Variants in PRDM10 observed in about 807,000 individuals in gnomAD.
PRDM10 encodes PR domain zinc finger protein 10.
Under a neutral mutation model 133.1 loss-of-function variants are expected in PRDM10, and 65 were observed. The observed-to-expected ratio is 0.49, with a 90% CI of 0.40 to 0.60. The LOEUF (loss-of-function observed/expected upper bound fraction) is 0.60. PRDM10 is among the 20% of genes least tolerant of loss of function. The pLI, the probability that PRDM10 is intolerant of heterozygous loss-of-function variation, is 0.00. For synonymous variants in PRDM10, 582 were observed against 580.4 expected (o/e 1.00, Z -0.04); for missense variants, 1,137 against 1,507.1 (o/e 0.75, Z 4.07).
Position 129,957,365 on chromosome 11 carries a change from C to T in PRDM10, c.234+381G>A, listed in dbSNP as rs1028864333. Among the ~76,000 whole-genome samples, 10 of 152,120 alleles carry T rather than the reference C, an allele frequency of 6.6e-5. No homozygotes were observed. The South Asian group carries it at 1.2e-3, about 19-fold the overall frequency. ...ACAGAGTTTTGCTCTGTCACCCAGG[C>T]TGGAGTGCAGTGGCGCGATCTCGGC... On this transcript the variant is annotated intron_variant, in intron 3 of 20. Coordinates refer to ENST00000360871, the MANE Select transcript of PRDM10 (RefSeq NM_199437.2).
intron 1 of PRDM10, among the ~76,000 whole-genome samples, chr11:129,978,505 C>A (rs990216358): frequency 6.6e-6 from 1 of 152,198 alleles, no homozygotes; most frequent in African/African-American, 2.4e-5. Flanking sequence ...CAGAAGAGAA[C>A]TGAACTAAGG....
At position 129,900,817 on chromosome 11, in the gene PRDM10, C is replaced by A. The variant is rs930761397; in HGVS notation, c.*1496G>T. 6.6e-6 allele frequency: 1 copy of A among 152,324 alleles called. No individual in the cohort carries two copies. Among genetic ancestry groups the A allele is most frequent in the African/African-American group, 2.4e-5 (1 of 41,422 alleles). The allele number at this position is 152,324 out of a possible 1,614,324, so 9.4% of individuals were successfully genotyped here. Reference sequence around the variant, plus strand: ...CTCTTAGTACTCAAACATTGGGGAACAACTACATGAACGCAGTCTCAGAAA... The same window carrying A: ...CTCTTAGTACTCAAACATTGGGGAAAAACTACATGAACGCAGTCTCAGAAA... On this transcript the variant is annotated 3_prime_UTR_variant, in exon 21 of 21. Coordinates refer to ENST00000360871, the MANE Select transcript of PRDM10 (RefSeq NM_199437.2).
chr11:129,973,852 T>C (rs1937627387), intron 1 of PRDM10, among the ~76,000 whole-genome samples: 1 of 152,234 alleles, frequency 6.6e-6, no homozygotes, highest in South Asian at 2.1e-4. Context: ...CCAGAAGACT[T>C]GCATCCAAAA....
chr11:129,911,553 A>G (rs760946154), intron 18 of PRDM10, among the ~76,000 whole-genome samples: 38 of 152,104 alleles, frequency 2.5e-4, no homozygotes, highest in Admixed American at 1.8e-3. Flanking sequence ...ATAAATGTAC[A>G]TTTTCCATTG....
chr11:129,988,897 G>T (rs1207000017), intron 1 of PRDM10, among the ~76,000 whole-genome samples: 1 of 152,166 alleles, frequency 6.6e-6, no homozygotes, highest in African/African-American at 2.4e-5. Context: ...CCAAAGTGCT[G>T]GGATTACAGG....
In PRDM10 at chr11:129,899,930, A is replaced by C. The variant is rs779835332; in HGVS notation, c.*2383T>G. ...ATATCTTAAGAGTTTTTTTGAAAGG[A>C]TACTTCCAAGTCAGAAAACAAGAAG... On this transcript the variant is annotated 3_prime_UTR_variant, in exon 21 of 21. Transcript: ENST00000360871. The C allele has an allele frequency of 1.6e-4, 25 of 152,652 alleles. No homozygotes were observed. The highest frequency in any genetic ancestry group is 6.5e-5 in the Admixed American group (1 of 15,286). The allele number at this position is 152,652 out of a possible 1,614,324, so 9.5% of individuals were successfully genotyped here.
intron 19 of PRDM10, among the ~76,000 whole-genome samples, chr11:129,908,895 T>A: frequency 6.6e-6 from 1 of 151,670 alleles, no homozygotes; most frequent in Admixed American, 6.6e-5. Flanking sequence ...CGTGGCTAAT[T>A]TTTTTTGTGT....
At chr11:129,991,752 G>A (rs1299380959) in intron 1 of PRDM10, among the ~76,000 whole-genome samples, 2 of 151,654 alleles carry the variant, frequency 1.3e-5, no homozygotes, top group East Asian at 1.9e-4. Flanking sequence ...CTGGGAGGAG[G>A]AGGTTGCAGT....
intron 1 of PRDM10, among the ~76,000 whole-genome samples, chr11:129,980,861 GTTTTTTTTT>G (rs60735364): frequency 9.8e-6 from 1 of 102,128 alleles, no homozygotes; most frequent in Non-Finnish European, 1.9e-5. Context: ...GACATTTCTG[GTTTTTTTTT>G]TTTTTTTTTT....
At chr11:129,952,093 C>T (rs1220301335) in intron 4 of PRDM10, among the ~76,000 whole-genome samples, 1 of 152,144 alleles carries the variant, frequency 6.6e-6, no homozygotes, top group African/African-American at 2.4e-5. Context: ...AGATGCTAAG[C>T]CAATAGTTAC....
chr11:129,930,375 T>C lies in PRDM10; in HGVS notation c.1530+641A>G, dbSNP rs1258344560. Among the ~76,000 whole-genome samples, 10 of 152,342 alleles carry C rather than the reference T, an allele frequency of 6.6e-5. No homozygotes were observed. The East Asian group carries it at 1.9e-3, about 29-fold the overall frequency. On this transcript the variant is annotated intron_variant, in intron 11 of 20. Coordinates refer to ENST00000360871, the MANE Select transcript of PRDM10 (RefSeq NM_199437.2). ...GTTCCTAACTCAGAGTCAAATGCTATTTGTGAAATAATAAGAGAAAACGCA... is the reference window on the plus strand; with the variant it reads ...GTTCCTAACTCAGAGTCAAATGCTACTTGTGAAATAATAAGAGAAAACGCA...
intron 1 of PRDM10, among the ~76,000 whole-genome samples, chr11:129,971,457 G>T (rs367890365): frequency 6.6e-6 from 1 of 152,034 alleles, no homozygotes; most frequent in Non-Finnish European, 1.5e-5. Context: ...GTTCTCCAAG[G>T]CCCCACCAGA....
Position 129,915,817 on chromosome 11 carries a change from T to C in PRDM10, c.2369A>G (p.Asn790Ser), listed in dbSNP as rs1232453546. 1.2e-6 allele frequency: 2 copies of C among 1,614,154 alleles called. No homozygotes were observed. Among genetic ancestry groups the C allele is most frequent in the Non-Finnish European group, 1.7e-6 (2 of 1,180,036 alleles). The change falls in exon 16 of 21, where the codon AAC (asparagine) becomes AGC (serine). Residue 790 changes from asparagine to serine, a missense_variant. Transcript: ENST00000360871. ...CGGTGGGAGCTCTGCTCCTGGGTGG[T>C]TCTTCAGAATGTGGGCTTTGCGCTT... ...ASKRKAHILKNHPGAELPPSI... is the reference protein window; with the variant it reads ...ASKRKAHILKSHPGAELPPSI...
Position 129,944,812 on chromosome 11 carries a change from C to G in PRDM10, c.721G>C (p.Val241Leu). Residue 241 changes from valine to leucine, a missense_variant, in exon 6 of 21, where the codon GTC becomes CTC. Val to Leu is a conservative substitution (Grantham distance 32). Coordinates refer to ENST00000360871, the MANE Select transcript of PRDM10 (RefSeq NM_199437.2). ...CAGTCTTTCAGCTCCGAGCCCCTGA[C>G]GAGAGGCCCCTCCACGGGGCCAAAC... ...TQFGPVEGPLVRGSELKDCYI... is the reference protein window; with the variant it reads ...TQFGPVEGPLLRGSELKDCYI... 6.2e-7 allele frequency: 1 copy of G among 1,613,996 alleles called. No individual in the cohort carries two copies. The highest frequency in any genetic ancestry group is 8.5e-7 in the Non-Finnish European group (1 of 1,180,008).
chr11:129,944,257 C>G (rs1004200260), intron 6 of PRDM10, among the ~76,000 whole-genome samples: 3 of 152,128 alleles, frequency 2.0e-5, no homozygotes, highest in Non-Finnish European at 2.9e-5. Context: ...TAGAAAACTA[C>G]CGTAGCCCCC....
intron 1 of PRDM10, among the ~76,000 whole-genome samples, chr11:130,000,845 G>A (rs75225634): frequency 0.03 from 4,547 of 152,262 alleles, 191 homozygotes; most frequent in African/African-American, 0.091. Flanking sequence ...GGGGGCCCAT[G>A]CCTGCAATCC....
chr11:130,000,984 G>A (rs1267055998), intron 1 of PRDM10, among the ~76,000 whole-genome samples: 1 of 152,134 alleles, frequency 6.6e-6, no homozygotes, highest in Non-Finnish European at 1.5e-5. Context: ...GTGCACGCCT[G>A]TAGTCCCAGC....
chr11:129,950,756 T>C (rs1951561507), intron 4 of PRDM10, among the ~76,000 whole-genome samples: 1 of 152,216 alleles, frequency 6.6e-6, no homozygotes, highest in Non-Finnish European at 1.5e-5. Flanking sequence ...CTACTCCTCA[T>C]AAACTCGCTC....
At chr11:129,972,930 A>C (rs1937602108) in intron 1 of PRDM10, among the ~76,000 whole-genome samples, 1 of 151,968 alleles carries the variant, frequency 6.6e-6, no homozygotes, top group African/African-American at 2.4e-5. Context: ...TCCTTCAAAA[A>C]CCCAGGCCTT....
Sources: allele counts gnomAD v4.1 joint callset (sites outside exome capture counted in the v4.1 genomes callset), GRCh38; gene constraint gnomAD v4.1.1; transcripts MANE v1.5; gene names NCBI Gene and HGNC (gene_info 2026-07-23, HGNC 2026-07-21).